Variants in CLVS1 observed in about 807,000 individuals in gnomAD.
The protein encoded by CLVS1 is clavesin-1.
In CLVS1, 10 loss-of-function variants were observed where a neutral mutation model predicts 33.1. The ratio of observed to expected loss-of-function variants is 0.30; its 90% CI spans 0.19 to 0.51. The LOEUF is 0.51. Ranked by LOEUF, CLVS1 falls within the 20% of genes least tolerant of loss-of-function variation. The probability of loss-of-function intolerance (pLI) is 0.97; values close to 1 mark genes in which losing one functional copy is unlikely to be tolerated. For synonymous variants in CLVS1, 163 were observed against 166.1 expected, an observed-to-expected ratio of 0.98 and a Z score of 0.14; for missense variants, 343 against 433.4, an observed-to-expected ratio of 0.79 and a Z score of 1.85.
intron 2 of CLVS1, among the ~76,000 whole-genome samples, chr8:61,341,735 T>C (rs186282163): frequency 2.4e-4 from 37 of 152,288 alleles, no homozygotes; most frequent in African/African-American, 8.2e-4. Flanking sequence ...ATTTTCTATC[T>C]TTTAAAGGTG....
Position 61,270,356 on chromosome 8 carries a change from G to A in CLVS1, c.-151-29321G>A, listed in dbSNP as rs1254103155. ...TATTGAACCAGCCTTGCATCCAAGG[G>A]ATGAAGCCCACTGGATTATTGTGGA... On this transcript the variant is annotated intron_variant, in intron 2 of 2. Coordinates refer to the CLVS1 transcript ENST00000522621. Among the ~76,000 whole-genome samples the A allele has an allele frequency of 3.9e-5, 6 of 152,212 alleles. No homozygotes were observed. The East Asian group carries it at 5.8e-4, about 15-fold the overall frequency.
chr8:61,419,447 A>C (rs1815569956), intron 3 of CLVS1, among the ~76,000 whole-genome samples: 1 of 151,964 alleles, frequency 6.6e-6, no homozygotes, highest in East Asian at 1.9e-4. Flanking sequence ...GAAAATGAGA[A>C]AGAAAATAAT....
At chr8:61,192,772 CTCA>C (rs1414732085) in intron 2 of CLVS1, among the ~76,000 whole-genome samples, 1 of 152,158 alleles carries the variant, frequency 6.6e-6, no homozygotes, top group Non-Finnish European at 1.5e-5. Flanking sequence ...TGAAAAAATG[CTCA>C]TCATCACTGG....
In CLVS1 at chr8:61,168,684, A is replaced by T. The variant is rs1056676366; in HGVS notation, c.-152+36824A>T. On this transcript the variant is annotated intron_variant, in intron 2 of 2. Coordinates refer to the CLVS1 transcript ENST00000522621. ...CACTCGGCTGACTTGGAATCACAAAAAATTAAAAACTGTGTTTTGAAGCTC... is the reference window on the plus strand; with the variant it reads ...CACTCGGCTGACTTGGAATCACAAATAATTAAAAACTGTGTTTTGAAGCTC... 5.3e-5 allele frequency among the ~76,000 whole-genome samples: 8 copies of T among 152,232 alleles called. No individual in the cohort carries two copies. In the South Asian group the frequency reaches 1.7e-3, roughly 31 times the overall value.
At chr8:61,210,696 C>T (rs760470913) in intron 2 of CLVS1, among the ~76,000 whole-genome samples, 13 of 152,096 alleles carry the variant, frequency 8.5e-5, no homozygotes, top group Admixed American at 3.9e-4. Context: ...GACTTGCACC[C>T]GAGGAGAAAT....
At chr8:61,077,775 C>G (rs778849780) in intron 1 of CLVS1, among the ~76,000 whole-genome samples, 9 of 152,202 alleles carry the variant, frequency 5.9e-5, no homozygotes, top group Non-Finnish European at 8.8e-5. Context: ...TGCTCTGCTC[C>G]CTCCCAGCAC....
At chr8:61,336,435 G>A (rs1371359978) in intron 2 of CLVS1, among the ~76,000 whole-genome samples, 1 of 152,126 alleles carries the variant, frequency 6.6e-6, no homozygotes, top group African/African-American at 2.4e-5. Context: ...TGTTTCAGTG[G>A]CTTCGAGTTT....
chr8:61,296,651 A>T (rs1810222206), intron 1 of CLVS1, among the ~76,000 whole-genome samples: 1 of 152,226 alleles, frequency 6.6e-6, no homozygotes, highest in South Asian at 2.1e-4. Context: ...AATCAGCCAC[A>T]ACATCTCATT....
chr8:61,408,182 G>T (rs1815066343), intron 3 of CLVS1, among the ~76,000 whole-genome samples: 1 of 152,166 alleles, frequency 6.6e-6, no homozygotes, highest in South Asian at 2.1e-4. Context: ...GCAAATGAAT[G>T]AATGAGACCA....
intron 3 of CLVS1, among the ~76,000 whole-genome samples, chr8:61,379,021 T>A (rs908930011): frequency 6.6e-6 from 1 of 152,058 alleles, no homozygotes; most frequent in Non-Finnish European, 1.5e-5. Flanking sequence ...CAGACTTTAA[T>A]AGGGAAAGGA....
chr8:61,495,944 G>C (rs2640240), intron 5 of CLVS1, among the ~76,000 whole-genome samples: 4,034 of 152,286 alleles, frequency 0.026, 59 homozygotes, highest in African/African-American at 0.047. Context: ...GCAGGTGTGG[G>C]AGGGCTAAAA....
chr8:61,053,656 G>A (rs1242412097), upstream of CLVS1, among the ~76,000 whole-genome samples: 2 of 152,236 alleles, frequency 1.3e-5, no homozygotes, highest in Non-Finnish European at 2.9e-5. Flanking sequence ...TTGGTTCAGA[G>A]ACGGGACATG....
intron 2 of CLVS1, among the ~76,000 whole-genome samples, chr8:61,370,891 C>T (rs1047951519): frequency 1.3e-5 from 2 of 152,108 alleles, no homozygotes; most frequent in Admixed American, 6.5e-5. Context: ...TCTTTATTTA[C>T]TCGTTGATTG....
At chr8:60,999,024 G>A in the CLVS1 span, among the ~76,000 whole-genome samples, 4 of 152,168 alleles carry the variant, frequency 2.6e-5, no homozygotes. Flanking sequence ...CTGCCATTGA[G>A]GGCCAGTGTC....
intron 3 of CLVS1, among the ~76,000 whole-genome samples, chr8:61,442,455 G>T (rs752226244): frequency 6.6e-6 from 1 of 152,150 alleles, no homozygotes; most frequent in Admixed American, 6.5e-5. Flanking sequence ...AAATAAATGC[G>T]CAGGAGTACA....
At chr8:61,273,388 C>T (rs1218042807) in intron 2 of CLVS1, among the ~76,000 whole-genome samples, 3 of 152,184 alleles carry the variant, frequency 2.0e-5, no homozygotes, top group Non-Finnish European at 2.9e-5. Context: ...CCACTGCTCT[C>T]TTCAAAGCTG....
intron 1 of CLVS1, among the ~76,000 whole-genome samples, chr8:61,067,742 T>C (rs549867872): frequency 6.6e-6 from 1 of 152,004 alleles, no homozygotes; most frequent in East Asian, 1.9e-4. Flanking sequence ...AAATACTACA[T>C]GTTCTCCCTT....
chr8:61,382,126 CACTCA>C (rs1295813945), intron 3 of CLVS1, among the ~76,000 whole-genome samples: 2 of 152,176 alleles, frequency 1.3e-5, no homozygotes, highest in African/African-American at 4.8e-5. Flanking sequence ...GTGCCATATT[CACTCA>C]AAAGATTAGA....
At chr8:61,331,809 TCCTCCTCCTCCTCTTC>T (rs1811606318) in intron 2 of CLVS1, among the ~76,000 whole-genome samples, 6 of 149,566 alleles carry the variant, frequency 4.0e-5, no homozygotes, top group Non-Finnish European at 7.4e-5. Context: ...CTTCTTCTCC[TCCTCCTCCTCCTCTTC>T]CTCCTCCTCC....
Sources: gnomAD v4.1 joint callset for allele counts (sites outside exome capture counted in the v4.1 genomes callset) on GRCh38, gnomAD v4.1.1 for gene constraint, MANE v1.5 for transcripts, NCBI Gene and HGNC (gene_info 2026-07-23, HGNC 2026-07-21) for gene names.